Variants in PCMT1 observed in about 807,000 individuals in gnomAD.
PCMT1 encodes protein-L-isoaspartate(D-aspartate) O-methyltransferase.
Under a neutral mutation model 29.2 loss-of-function variants are expected in PCMT1, and 9 were observed. The observed-to-expected ratio is 0.31, with a 90% CI of 0.19 to 0.54. The LOEUF is 0.54. PCMT1 is among the 20% of genes least tolerant of loss of function. The probability of loss-of-function intolerance (pLI) is 0.95; values close to 1 mark genes in which losing one functional copy is unlikely to be tolerated. For synonymous variants in PCMT1, 98 were observed against 97.5 expected (o/e 1.00, Z -0.03); for missense variants, 184 against 282.2 (o/e 0.65, Z 2.49).
chr6:149,774,183 G>C (rs945155749), intron 3 of PCMT1, among the ~76,000 whole-genome samples: 1 of 151,788 alleles, frequency 6.6e-6, no homozygotes, highest in Non-Finnish European at 1.5e-5. Context: ...GTCAGTATTT[G>C]AATGAGTACT....
At chr6:149,750,859 A>G (rs1209596987) in intron 1 of PCMT1, among the ~76,000 whole-genome samples, 2 of 152,176 alleles carry the variant, frequency 1.3e-5, no homozygotes, top group Non-Finnish European at 2.9e-5. Flanking sequence ...GCCGCAGTCT[A>G]TAATAAACTC....
intron 6 of PCMT1, among the ~76,000 whole-genome samples, chr6:149,801,584 C>CT (rs1158276053): frequency 6.6e-6 from 1 of 151,952 alleles, no homozygotes; most frequent in African/African-American, 2.4e-5. Context: ...GTAGATAGGA[C>CT]TACAGGCATC....
In PCMT1 at chr6:149,788,152, C is replaced by T. The variant is rs920483087; in HGVS notation, c.193-1802C>T. Among the ~76,000 whole-genome samples the T allele has an allele frequency of 4.6e-5, 7 of 151,590 alleles. No homozygotes were observed. In the South Asian group the frequency reaches 6.3e-4, roughly 14 times the overall value. ...CAGGATGGTCTCGATCTCCTGACCTCGTGATCCGCCTCGGCCTCCCAAAGT... is the reference window on the plus strand; with the variant it reads ...CAGGATGGTCTCGATCTCCTGACCTTGTGATCCGCCTCGGCCTCCCAAAGT... On this transcript the variant is annotated intron_variant, in intron 3 of 7. Coordinates refer to ENST00000464889, the MANE Select transcript of PCMT1 (RefSeq NM_001360452.2).
intron 1 of PCMT1, among the ~76,000 whole-genome samples, chr6:149,769,284 G>A (rs117785439): frequency 0.025 from 3,258 of 128,520 alleles, 89 homozygotes; most frequent in Admixed American, 0.075. Flanking sequence ...GAAAAGGGGA[G>A]TTAGCACCTA....
intron 1 of PCMT1, among the ~76,000 whole-genome samples, chr6:149,753,146 C>G (rs761096429): frequency 6.6e-6 from 1 of 152,066 alleles, no homozygotes; most frequent in Non-Finnish European, 1.5e-5. Context: ...AATACTTGCT[C>G]ATGTGAAAAT....
At position 149,787,305 on chromosome 6, in the gene PCMT1, G is replaced by GGAGAGGGAGACCGTGGA. The variant is rs1442211761; in HGVS notation, c.193-2639_193-2638insCCGTGGAGAGAGGGAGA. On this transcript the variant is annotated intron_variant, in intron 3 of 7. Transcript: ENST00000464889. ...GACCGTGGGTAGAGGGAGACCGTGG[G>GGAGAGGGAGACCGTGGA]GAGAGGGAGAGGGAGAGGGAGCGGG... Among the ~76,000 whole-genome samples the GGAGAGGGAGACCGTGGA allele has an allele frequency of 4.0e-5, 6 of 150,494 alleles. 1 individual carries two copies. Among genetic ancestry groups the GGAGAGGGAGACCGTGGA allele is most frequent in the Non-Finnish European group, 8.8e-5 (6 of 67,800 alleles).
At position 149,796,686 on chromosome 6, in the gene PCMT1, T is replaced by G. The variant is rs1788625417; in HGVS notation, c.504+186T>G. On this transcript the variant is annotated intron_variant, in intron 6 of 7. Transcript: ENST00000464889. ...ACAATTGTATAAATGACATGAAAATTACTAAACCCCAGTTTGTGGCGCTCA... is the reference window on the plus strand; with the variant it reads ...ACAATTGTATAAATGACATGAAAATGACTAAACCCCAGTTTGTGGCGCTCA... 1.3e-5 allele frequency: 6 copies of G among 462,356 alleles called. No homozygotes were observed. The South Asian group carries it at 2.6e-4, about 20-fold the overall frequency. 28.6% of individuals were successfully genotyped at this position (462,356 alleles called of 1,614,324 possible).
chr6:149,777,001 C>T lies in PCMT1; in HGVS notation c.192+3832C>T, dbSNP rs574951862. On this transcript the variant is annotated intron_variant, in intron 3 of 7. Transcript: ENST00000464889. ...CAGAGTGACTTAAGTTATTTATTGA[C>T]GTCTTATTTATTATAATTACAAAAA... 5.8e-4 allele frequency among the ~76,000 whole-genome samples: 87 copies of T among 150,802 alleles called. 1 individual carries two copies. Among genetic ancestry groups the T allele is most frequent in the South Asian group, 2.9e-3 (14 of 4,804 alleles).
At chr6:149,751,884 T>A (rs1356150743) in intron 1 of PCMT1, among the ~76,000 whole-genome samples, 15 of 151,770 alleles carry the variant, frequency 9.9e-5, no homozygotes, top group Admixed American at 7.9e-4. Context: ...GTTGATTATT[T>A]TTTTTTTTTA....
At chr6:149,754,631 G>A (rs1368422117) in intron 1 of PCMT1, among the ~76,000 whole-genome samples, 1 of 152,130 alleles carries the variant, frequency 6.6e-6, no homozygotes, top group Non-Finnish European at 1.5e-5. Flanking sequence ...AGTCAACTGA[G>A]GTCTGAAAAT....
intron 1 of PCMT1, among the ~76,000 whole-genome samples, chr6:149,761,842 G>A (rs1441337011): frequency 2.0e-5 from 3 of 152,084 alleles, no homozygotes; most frequent in Non-Finnish European, 4.4e-5. Context: ...TAAATCTTCT[G>A]CACCTTATTG....
At chr6:149,751,812 T>G (rs909598640) in intron 1 of PCMT1, among the ~76,000 whole-genome samples, 6 of 151,826 alleles carry the variant, frequency 4.0e-5, no homozygotes, top group Non-Finnish European at 8.8e-5. Context: ...TTGGATTTTT[T>G]TTTGGTGGGG....
intron 7 of PCMT1, among the ~76,000 whole-genome samples, chr6:149,804,708 G>A (rs1400022582): frequency 6.6e-6 from 1 of 151,932 alleles, no homozygotes; most frequent in African/African-American, 2.4e-5. Context: ...CACCATGTTG[G>A]CCAGGCTGGT....
At chr6:149,793,723 A>C in intron 5 of PCMT1, 54 bp downstream of exon 5, 1 of 1,444,990 alleles carries the variant, frequency 6.9e-7, no homozygotes, top group Non-Finnish European at 9.2e-7. Context: ...TTTTCAGAAG[A>C]TCCAATGCAA....
chr6:149,763,509 TG>T (rs1324509325), intron 1 of PCMT1, among the ~76,000 whole-genome samples: 3 of 152,158 alleles, frequency 2.0e-5, no homozygotes, highest in Admixed American at 6.6e-5. Flanking sequence ...TTTTAATAAA[TG>T]GCTGATGGCA....
chr6:149,765,729 G>T, intron 1 of PCMT1: 1 of 341,694 alleles, frequency 2.9e-6, no homozygotes. Flanking sequence ...CACTTTGGGA[G>T]GACGAGGAAG....
At chr6:149,805,370 G>C (rs528904893) in intron 7 of PCMT1, among the ~76,000 whole-genome samples, 1 of 152,198 alleles carries the variant, frequency 6.6e-6, no homozygotes, top group Middle Eastern at 3.4e-3. Flanking sequence ...AAGGCGGGCA[G>C]ATCACAAGGT....
At chr6:149,766,496 C>T (rs951787209) in intron 1 of PCMT1, among the ~76,000 whole-genome samples, 1 of 152,206 alleles carries the variant, frequency 6.6e-6, no homozygotes, top group African/African-American at 2.4e-5. Context: ...TAACCCCCAA[C>T]TTCATTATGA....
intron 6 of PCMT1, among the ~76,000 whole-genome samples, chr6:149,801,204 C>G (rs1181784030): frequency 1.3e-5 from 2 of 152,082 alleles, no homozygotes; most frequent in African/African-American, 2.4e-5. Context: ...GGAATGGGAC[C>G]AAGTCTAAAC....
Sources: gnomAD v4.1 joint callset for allele counts (sites outside exome capture counted in the v4.1 genomes callset) on GRCh38, gnomAD v4.1.1 for gene constraint, MANE v1.5 for transcripts, NCBI Gene and HGNC (gene_info 2026-07-23, HGNC 2026-07-21) for gene names.